The following TAFA1 variants were observed in gnomAD, a reference collection of about 807,000 sequenced individuals.
TAFA1 encodes TAFA chemokine like family member 1.
Under a neutral mutation model 18.5 loss-of-function variants are expected in TAFA1, and 4 were observed. The observed-to-expected ratio is 0.22, with a 90% CI of 0.11 to 0.49. The LOEUF is 0.49. TAFA1 is among the 20% of genes least tolerant of loss of function. TAFA1 has a pLI of 0.98. For synonymous variants in TAFA1, 56 were observed against 55.2 expected (o/e 1.01, Z -0.06); for missense variants, 147 against 169.0 (o/e 0.87, Z 0.72).
intron 2 of TAFA1, among the ~76,000 whole-genome samples, chr3:68,175,352 A>G (rs1014338008): frequency 1.3e-5 from 2 of 152,158 alleles, no homozygotes; most frequent in Non-Finnish European, 2.9e-5. Flanking sequence ...TGCACCATAT[A>G]CCTGGAAAAG....
chr3:68,340,381 A>T (rs1294252582), intron 2 of TAFA1, among the ~76,000 whole-genome samples: 1 of 152,240 alleles, frequency 6.6e-6, no homozygotes, highest in African/African-American at 2.4e-5. Flanking sequence ...GCATTGGAGA[A>T]TGTACTTAAC....
chr3:68,300,998 A>G (rs56226452), intron 2 of TAFA1, among the ~76,000 whole-genome samples: 3,330 of 152,326 alleles, frequency 0.022, 116 homozygotes, highest in African/African-American at 0.076. Flanking sequence ...ACAGACTAAT[A>G]TAATAGGTCT....
intron 3 of TAFA1, among the ~76,000 whole-genome samples, chr3:68,423,339 C>T (rs1288622687): frequency 5.9e-5 from 9 of 152,082 alleles, no homozygotes; most frequent in East Asian, 1.9e-4. Context: ...TGAGGATCAG[C>T]GAAATTTGGT....
At chr3:68,494,171 G>T (rs1037655903) in intron 3 of TAFA1, among the ~76,000 whole-genome samples, 1 of 152,048 alleles carries the variant, frequency 6.6e-6, no homozygotes, top group Non-Finnish European at 1.5e-5. Flanking sequence ...GCACAATCTC[G>T]GCTCACTGCA....
At chr3:68,381,675 G>C (rs1049788691) in intron 2 of TAFA1, among the ~76,000 whole-genome samples, 12 of 152,216 alleles carry the variant, frequency 7.9e-5, no homozygotes, top group African/African-American at 2.7e-4. Flanking sequence ...TTTGGGCTGA[G>C]AAGATGGGGT....
Position 68,141,638 on chromosome 3 carries a change from T to C in TAFA1, c.118+134894T>C, listed in dbSNP as rs1237760901. On this transcript the variant is annotated intron_variant, in intron 2 of 4. Transcript: ENST00000478136. ...AGTTATTGAGAAAGATAAGTTTTGGTCTGCTGGCCTTGACAGTGAAAGGAT... is the reference window on the plus strand; with the variant it reads ...AGTTATTGAGAAAGATAAGTTTTGGCCTGCTGGCCTTGACAGTGAAAGGAT... 7.2e-5 allele frequency among the ~76,000 whole-genome samples: 11 copies of C among 152,184 alleles called. No individual in the cohort carries two copies. The East Asian group carries it at 2.1e-3, about 29-fold the overall frequency.
intron 2 of TAFA1, among the ~76,000 whole-genome samples, chr3:68,146,358 C>T (rs1016272774): frequency 6.6e-6 from 1 of 152,058 alleles, no homozygotes; most frequent in Non-Finnish European, 1.5e-5. Flanking sequence ...CTTTAGATGC[C>T]GTCTTTCTCC....
intron 2 of TAFA1, among the ~76,000 whole-genome samples, chr3:68,121,937 G>A (rs571745119): frequency 6.6e-6 from 1 of 152,052 alleles, no homozygotes; most frequent in Non-Finnish European, 1.5e-5. Context: ...GAGGTATTTT[G>A]CATTCATTAA....
At chr3:68,040,604 G>C (rs1705143432) in intron 2 of TAFA1, among the ~76,000 whole-genome samples, 1 of 152,150 alleles carries the variant, frequency 6.6e-6, no homozygotes, top group African/African-American at 2.4e-5. Flanking sequence ...GTTTCCTCTA[G>C]TCCAGTGGCT....
intron 2 of TAFA1, among the ~76,000 whole-genome samples, chr3:68,302,133 GA>G (rs1282929810): frequency 6.6e-6 from 1 of 152,234 alleles, no homozygotes; most frequent in East Asian, 1.9e-4. Flanking sequence ...AATTTAGGAA[GA>G]GAGAAATATT....
chr3:68,248,063 G>A (rs1489415261), intron 2 of TAFA1, among the ~76,000 whole-genome samples: 1 of 152,234 alleles, frequency 6.6e-6, no homozygotes, highest in East Asian at 1.9e-4. Context: ...CTTAGTTGCA[G>A]ACTGTTGGGG....
chr3:68,481,533 T>C (rs1261001372), intron 3 of TAFA1, among the ~76,000 whole-genome samples: 1 of 152,184 alleles, frequency 6.6e-6, no homozygotes, highest in Non-Finnish European at 1.5e-5. Context: ...AGGCAGAGTT[T>C]CATTCCGAGC....
At chr3:68,166,134 T>C (rs756887086) in intron 2 of TAFA1, among the ~76,000 whole-genome samples, 2 of 152,192 alleles carry the variant, frequency 1.3e-5, no homozygotes, top group Non-Finnish European at 2.9e-5. Context: ...TGAAATTCAG[T>C]GTGGCCAGAG....
rs551976125 is a variant in TAFA1 at position 68,393,612 on chromosome 3, C to T, written c.119-23668C>T. Among the ~76,000 whole-genome samples, 3 of 152,260 alleles carry T rather than the reference C, an allele frequency of 2.0e-5. No homozygotes were observed. The South Asian group carries it at 6.2e-4, about 32-fold the overall frequency. ...TGTTGAACATCAATGCAAAAATCCT[C>T]TATAATATACTGACAGACCGAATCC... On this transcript the variant is annotated intron_variant, in intron 2 of 4. Coordinates refer to ENST00000478136, the MANE Select transcript of TAFA1 (RefSeq NM_213609.4).
chr3:68,414,876 C>T (rs1005662535), intron 2 of TAFA1, among the ~76,000 whole-genome samples: 2 of 152,180 alleles, frequency 1.3e-5, no homozygotes, highest in African/African-American at 2.4e-5. Context: ...CATTTTCAAT[C>T]ATAAATATTG....
chr3:68,130,813 T>C (rs966030975), intron 2 of TAFA1, among the ~76,000 whole-genome samples: 1 of 152,022 alleles, frequency 6.6e-6, no homozygotes, highest in African/African-American at 2.4e-5. Flanking sequence ...GAATGGCTCC[T>C]TCCCATCCTG....
chr3:68,351,052 T>A (rs2069255712), intron 2 of TAFA1, among the ~76,000 whole-genome samples: 1 of 152,102 alleles, frequency 6.6e-6, no homozygotes, highest in Admixed American at 6.6e-5. Flanking sequence ...GGATGCTCAT[T>A]GGCATCATAC....
rs958910802 is a variant in TAFA1 at position 68,142,927 on chromosome 3, A to G, written c.118+136183A>G. ...TGGGAAATCGTTATTTTTTTTTTTTAGTGTACAAAATCTTCATATATATAA... is the reference window on the plus strand; with the variant it reads ...TGGGAAATCGTTATTTTTTTTTTTTGGTGTACAAAATCTTCATATATATAA... On this transcript the variant is annotated intron_variant, in intron 2 of 4. Transcript: ENST00000478136. Among the ~76,000 whole-genome samples the G allele has an allele frequency of 4.4e-5, 5 of 114,274 alleles. No homozygotes were observed. In the East Asian group the frequency reaches 1.3e-3, roughly 29 times the overall value. 75.0% of individuals were successfully genotyped at this position (114,274 alleles called of 152,430 possible).
chr3:68,406,392 A>G (rs190934834), intron 2 of TAFA1, among the ~76,000 whole-genome samples: 16 of 152,276 alleles, frequency 1.1e-4, no homozygotes, highest in Non-Finnish European at 2.9e-5. Flanking sequence ...AGTCAAGAAT[A>G]TTGCACCCTA....
Sources: gnomAD v4.1 joint callset for allele counts (sites outside exome capture counted in the v4.1 genomes callset) on GRCh38, gnomAD v4.1.1 for gene constraint, MANE v1.5 for transcripts, NCBI Gene and HGNC (gene_info 2026-07-23, HGNC 2026-07-21) for gene names.